KDR: variants seen among roughly 807,000 people sequenced by gnomAD.
The protein encoded by KDR is vascular endothelial growth factor receptor 2.
Under a neutral mutation model 160.9 loss-of-function variants are expected in KDR, and 43 were observed. The observed-to-expected ratio is 0.27, with a 90% confidence interval of 0.21 to 0.34. The LOEUF (loss-of-function observed/expected upper bound fraction) is 0.34, where lower values mean the gene tolerates loss of function less well. KDR is among the 10% of genes least tolerant of loss of function. The probability of loss-of-function intolerance (pLI) is 1.00; values close to 1 mark genes in which losing one functional copy is unlikely to be tolerated. For missense variants in KDR, 1,469 were observed against 1,666.4 expected (o/e 0.88, Z 2.06); for synonymous variants, 617 against 600.1 (o/e 1.03, Z -0.41).
intron 26 of KDR, 37 bp downstream of exon 26, chr4:55,088,831 A>T (rs1377218106): frequency 7.1e-7 from 1 of 1,407,904 alleles, no homozygotes; most frequent in South Asian, 1.2e-5. Context: ...ACATCTAAGT[A>T]CTCTTTGTAG....
At chr4:55,091,453 A>G (rs891772478) in intron 22 of KDR, among the ~76,000 whole-genome samples, 2 of 152,178 alleles carry the variant, frequency 1.3e-5, no homozygotes, top group African/African-American at 4.8e-5. Flanking sequence ...CTAGTCCCCA[A>G]AAGGAACCCT....
rs189286661 is a variant in KDR, at chr4:55,090,902, T to C, written c.3070-824A>G. 5.8e-5 allele frequency among the ~76,000 whole-genome samples: 8 copies of C among 137,526 alleles called. No individual in the cohort carries two copies. The East Asian group carries it at 1.8e-3, about 31-fold the overall frequency. 90.2% of individuals were successfully genotyped at this position (137,526 alleles called of 152,430 possible). A position where few individuals can be genotyped will look rare whatever the true frequency, so the allele number is the denominator to read the frequency against. On this transcript the variant is annotated intron_variant, in intron 22 of 29. Transcript: ENST00000263923. ...GAAGGAATCTCACTCTCGCCCAGGC[T>C]GGAGTGCAGTGGTGCAATCTCAGTT...
At chr4:55,115,250 T>C in intron 4 of KDR, 31 bp downstream of exon 4, 1 of 1,580,666 alleles carries the variant, frequency 6.3e-7, no homozygotes, top group Non-Finnish European at 8.7e-7. Flanking sequence ...TTATAAAAAC[T>C]TAAGAGACGA....
Position 55,104,811 on chromosome 4 carries a change from C to A in KDR, c.1819G>T (p.Asp607Tyr), listed in dbSNP as rs777299134. The change falls in exon 13 of 30, where the codon GAT (aspartate) becomes TAT (tyrosine). Residue 607 changes from aspartate to tyrosine, a missense_variant. Coordinates refer to ENST00000263923, the MANE Select transcript of KDR (RefSeq NM_002253.4). ...GTGGCATTCAATTTCCAAAGAGTAT[C>A]CAAGTTCTTGCAAACAGGTGTGGGC... ...ELPTPVCKNLDTLWKLNATMF... is the reference protein window; with the variant it reads ...ELPTPVCKNLYTLWKLNATMF... 6.2e-7 allele frequency: 1 copy of A among 1,613,952 alleles called. No individual in the cohort carries two copies. The highest frequency in any genetic ancestry group is 8.5e-7 in the Non-Finnish European group (1 of 1,179,898).
Position 55,088,946 on chromosome 4 carries a change from G to A in KDR, c.3432C>T (p.His1144=), listed in dbSNP as rs754684490. 19 of 1,613,772 alleles carry A rather than the reference G, an allele frequency of 1.2e-5. No individual in the cohort carries two copies. Among genetic ancestry groups the A allele is most frequent in the South Asian group, 4.4e-5 (4 of 91,076 alleles). The change falls in exon 26 of 30, where the codon CAC becomes CAT. Residue 1144 remains histidine, a synonymous_variant. Coordinates refer to ENST00000263923, the MANE Select transcript of KDR (RefSeq NM_002253.4). ...EMYQTMLDCW[H]GEPSQRPTFS... is the part of the protein sequence containing the mutation. ...ACGTGGGTCTCTGACTGGGCTCCCC[G>A]TGCCAGCAGTCCAGCATGGTCTGGT...
At chr4:55,105,794 G>A (rs369491842) in intron 12 of KDR, 38 bp downstream of exon 12, 8 of 1,247,210 alleles carry the variant, frequency 6.4e-6, no homozygotes, top group Non-Finnish European at 8.3e-6. Context: ...CCCACTGTGT[G>A]AGTGATCCAA....
rs1720149803 is a variant in KDR, at chr4:55,096,222, TACTC to T, written c.2728+3_2728+6del. ...TTGGGTGACCAAAACCACCCACAGT[TACTC>T]ACCTCCTGGCTTGGTACAGGCACCT... On this transcript the variant is annotated splice_donor_5th_base_variant and intron_variant, in intron 19 of 29. Coordinates refer to ENST00000263923, the MANE Select transcript of KDR (RefSeq NM_002253.4). 1.3e-6 allele frequency: 2 copies of T among 1,571,650 alleles called. No homozygotes were observed. Among genetic ancestry groups the T allele is most frequent in the African/African-American group, 2.7e-5 (2 of 74,114 alleles).
Position 55,121,120 on chromosome 4 carries a change from A to G in KDR, c.138T>C (p.Asn46=). Residue 46 remains asparagine (N), a synonymous_variant, in exon 2 of 30, where the codon AAT becomes AAC. Coordinates refer to ENST00000263923, the MANE Select transcript of KDR (RefSeq NM_002253.4). ...ACCTGCAAGTAATTTGAAGAGTTGT[A>G]TTAGCCTTAATTGTAAGTATGTCTT... ...IQKDILTIKA[N]TTLQITCRGQ... is the part of the protein sequence containing the mutation. The G allele has an allele frequency of 6.2e-7, 1 of 1,612,800 alleles. No homozygotes were observed. The highest frequency in any genetic ancestry group is 8.5e-7 in the Non-Finnish European group (1 of 1,178,870).
At chr4:55,088,124 G>A (rs1719908389) in intron 26 of KDR, among the ~76,000 whole-genome samples, 2 of 152,148 alleles carry the variant, frequency 1.3e-5, no homozygotes. Flanking sequence ...CAAAGGGCAT[G>A]GCATCCAGTT....
chr4:55,092,431 AT>A, intron 22 of KDR, 185 bp downstream of exon 22: 1 of 623,058 alleles, frequency 1.6e-6, no homozygotes, highest in Non-Finnish European at 2.9e-6. Flanking sequence ...ATACAGCTTA[AT>A]TTCATGAACT....
At chr4:55,113,902 A>G (rs910509393) in intron 6 of KDR, among the ~76,000 whole-genome samples, 1 of 152,242 alleles carries the variant, frequency 6.6e-6, no homozygotes, top group Non-Finnish European at 1.5e-5. Context: ...GCTATTGCAG[A>G]ATAGGACAAA....
rs1404646083 is a variant in KDR, at chr4:55,107,750, C to T, written c.1399G>A (p.Ala467Thr). 5.0e-6 allele frequency: 8 copies of T among 1,613,892 alleles called. No individual in the cohort carries two copies. The highest frequency in any genetic ancestry group is 3.3e-5 in the South Asian group (3 of 91,074). Residue 467 changes from alanine (A) to threonine (T), a missense_variant, in exon 10 of 30, where the codon GCC becomes ACC. Physicochemically the swap from Ala to Thr is moderately conservative, Grantham distance 58 (BLOSUM62 0). This residue lies in a region of KDR where 792 missense variants were observed against 840.9 expected (regional missense o/e 0.94). Coordinates refer to ENST00000263923, the MANE Select transcript of KDR (RefSeq NM_002253.4). ...GGCCTTACTCACCTGGGCTCGTTGG[C>T]GCACTCTTCCTCCAACTGCCAATAC... ...HWYWQLEEECANEPSQAVSVT... is the reference protein window; with the variant it reads ...HWYWQLEEECTNEPSQAVSVT...
chr4:55,117,163 C>T (rs1720757620), intron 3 of KDR, among the ~76,000 whole-genome samples: 1 of 152,094 alleles, frequency 6.6e-6, no homozygotes, highest in African/African-American at 2.4e-5. Context: ...ATTTCGGTAT[C>T]TCAAAAAAAG....
At chr4:55,119,407 G>C (rs916461799) in intron 2 of KDR, among the ~76,000 whole-genome samples, 2 of 152,104 alleles carry the variant, frequency 1.3e-5, no homozygotes, top group African/African-American at 4.8e-5. Flanking sequence ...GAACAAATCA[G>C]ACAAAAATCA....
At chr4:55,110,872 G>T in intron 7 of KDR, 104 bp from the exon 8 acceptor site, 1 of 885,302 alleles carries the variant, frequency 1.1e-6, no homozygotes, top group Non-Finnish European at 1.8e-6. Context: ...GGTCTGAGTA[G>T]CTGCAGTTCC....
chr4:55,088,041 A>G (rs1167153099), intron 26 of KDR, among the ~76,000 whole-genome samples: 1 of 152,208 alleles, frequency 6.6e-6, no homozygotes, highest in Non-Finnish European at 1.5e-5. Flanking sequence ...AGAGGTAACA[A>G]CAGAACACAA....
chr4:55,121,583 T>C (rs964101615), intron 1 of KDR, among the ~76,000 whole-genome samples: 4 of 152,222 alleles, frequency 2.6e-5, no homozygotes, highest in African/African-American at 9.6e-5. Flanking sequence ...TTTGACTAAA[T>C]TGCTGATTAA....
intron 1 of KDR, among the ~76,000 whole-genome samples, chr4:55,122,190 G>A (rs1188656235): frequency 6.6e-6 from 1 of 152,154 alleles, no homozygotes; most frequent in Non-Finnish European, 1.5e-5. Context: ...CCATGGCATA[G>A]ATTCCTCACC....
At chr4:55,102,260 T>G (rs1720330538) in intron 14 of KDR, 102 bp downstream of exon 14, 1 of 1,411,300 alleles carries the variant, frequency 7.1e-7, no homozygotes, top group Admixed American at 1.7e-5. Flanking sequence ...TGGACACCAA[T>G]ACTGCTTTTT....
Sources: allele counts gnomAD v4.1 joint callset (sites outside exome capture counted in the v4.1 genomes callset), GRCh38; gene constraint gnomAD v4.1.1; regional missense constraint gnomAD v4.1.1; transcripts MANE v1.5; gene names NCBI Gene and HGNC (gene_info 2026-07-23, HGNC 2026-07-21).